TMPO: variants seen among roughly 807,000 people sequenced by gnomAD.
The protein encoded by TMPO is thymopoietin, also known as LEM domain containing 4.
A neutral mutation model predicts 45.4 loss-of-function variants in TMPO; 22 were observed. The ratio of observed to expected loss-of-function variants is 0.48; its 90% CI spans 0.35 to 0.69. The LOEUF (loss-of-function observed/expected upper bound fraction) is 0.69, where lower values mean the gene tolerates loss of function less well. TMPO is among the 30% of genes least tolerant of loss of function. TMPO has a pLI of 0.01. For synonymous variants in TMPO, 241 were observed against 204.1 expected, an observed-to-expected ratio of 1.18 and a Z score of -1.54; for missense variants, 512 against 548.8, an observed-to-expected ratio of 0.93 and a Z score of 0.67.
intron 1 of TMPO, among the ~76,000 whole-genome samples, chr12:98,526,962 AAAAAAG>A (rs1297582132): frequency 2.0e-5 from 3 of 152,014 alleles, no homozygotes; most frequent in Admixed American, 6.6e-5. Flanking sequence ...ACCTCCAAAA[AAAAAAG>A]AAAAAGAAAA....
intron 1 of TMPO, among the ~76,000 whole-genome samples, chr12:98,521,709 C>T (rs1876379919): frequency 6.6e-6 from 1 of 152,050 alleles, no homozygotes; most frequent in Non-Finnish European, 1.5e-5. Context: ...GCATAATATT[C>T]TTGAATGATC....
rs775226086 is a variant in TMPO at position 98,537,461 on chromosome 12, A to T, written c.566-14A>T. On this transcript the variant is annotated splice_polypyrimidine_tract_variant and intron_variant, in intron 3 of 8. Transcript: ENST00000556029. ...TGTTTCAGAGAGTAATGGTTTCTCCAATGTTATTTCCAGACTCTAAAATAG... is the reference window on the plus strand; with the variant it reads ...TGTTTCAGAGAGTAATGGTTTCTCCTATGTTATTTCCAGACTCTAAAATAG... 4 of 1,594,340 alleles carry T rather than the reference A, an allele frequency of 2.5e-6. No homozygotes were observed. Among genetic ancestry groups the T allele is most frequent in the Non-Finnish European group, 2.6e-6 (3 of 1,163,074 alleles).
At chr12:98,525,551 G>A (rs573418177) in intron 1 of TMPO, among the ~76,000 whole-genome samples, 17 of 152,052 alleles carry the variant, frequency 1.1e-4, no homozygotes, top group Non-Finnish European at 2.4e-4. Flanking sequence ...GACCAGCCTG[G>A]CCAACATGCT....
At chr12:98,526,658 G>A (rs1354755951) in intron 1 of TMPO, among the ~76,000 whole-genome samples, 1 of 152,114 alleles carries the variant, frequency 6.6e-6, no homozygotes, top group Non-Finnish European at 1.5e-5. Flanking sequence ...CTCATATGCT[G>A]TTTAAAGAAA....
chr12:98,537,661 C>T, intron 4 of TMPO, 89 bp downstream of exon 4: 1 of 939,284 alleles, frequency 1.1e-6, no homozygotes, highest in Non-Finnish European at 1.7e-6. Flanking sequence ...GGTTGACACC[C>T]AGATTCCAGC....
intron 3 of TMPO, chr12:98,534,622 A>G (rs1877459184): frequency 8.3e-7 from 1 of 1,209,554 alleles, no homozygotes; most frequent in African/African-American, 1.6e-5. Context: ...TTATGTTTTT[A>G]CAATTCTCCA....
At chr12:98,540,121 G>A (rs1429470547) in intron 4 of TMPO, among the ~76,000 whole-genome samples, 1 of 152,142 alleles carries the variant, frequency 6.6e-6, no homozygotes, top group Non-Finnish European at 1.5e-5. Flanking sequence ...CATTTATTTG[G>A]TGAAGAAACC....
chr12:98,533,453 C>G (rs781585188), intron 3 of TMPO: 21 of 1,614,154 alleles, frequency 1.3e-5, no homozygotes, highest in East Asian at 2.2e-5. Context: ...ACTTCTAACT[C>G]TATGCCCCCA....
chr12:98,525,147 T>C (rs1290592750), intron 1 of TMPO, among the ~76,000 whole-genome samples: 3 of 152,240 alleles, frequency 2.0e-5, no homozygotes, highest in African/African-American at 7.2e-5. Context: ...TTAAATCTTT[T>C]CTTGAAAGAA....
intron 1 of TMPO, among the ~76,000 whole-genome samples, chr12:98,518,287 A>G (rs1374390879): frequency 6.6e-6 from 1 of 152,002 alleles, no homozygotes; most frequent in Non-Finnish European, 1.5e-5. Flanking sequence ...TATGTTTATA[A>G]TAGAATTACT....
chr12:98,523,082 T>A (rs1007949995), intron 1 of TMPO, among the ~76,000 whole-genome samples: 3 of 152,186 alleles, frequency 2.0e-5, no homozygotes, highest in African/African-American at 7.2e-5. Flanking sequence ...TCTTAAGTGA[T>A]CTACTTAAAG....
At chr12:98,545,129 G>GTTTTTTTTT (rs79128220) in intron 7 of TMPO, 68 bp downstream of exon 7, 103 of 650,750 alleles carry the variant, frequency 1.6e-4, no homozygotes, top group Middle Eastern at 4.2e-4. Flanking sequence ...ATATTTGTTT[G>GTTTTTTTTT]TTTTTTTTTT....
chr12:98,516,803 T>G (rs1282926071), intron 1 of TMPO, among the ~76,000 whole-genome samples: 4 of 152,200 alleles, frequency 2.6e-5, no homozygotes, highest in African/African-American at 9.6e-5. Context: ...TTATAATTTT[T>G]TAGTTTTTAT....
chr12:98,544,508 A>G lies in TMPO; in HGVS notation c.850A>G (p.Thr284Ala). The stretch of plus-strand genomic sequence containing the variant: ...TTCAGAGAGTACTCCCATAGCTGAA[A>G]CTATAATGGCTTCAAGCAACGAATC... ...VISESTPIAE[T>A]IMASSNESLV... The change falls in exon 6 of 9, where the codon ACT becomes GCT. Residue 284 changes from threonine to alanine, a missense_variant. Physicochemically the swap from Thr to Ala is moderately conservative, Grantham distance 58. Around this residue, in one of 3 missense-constraint regions of TMPO, gnomAD observed 209 missense variants for 235.1 expected, o/e 0.89. Transcript: ENST00000556029. 6.2e-7 allele frequency: 1 copy of G among 1,613,798 alleles called. No individual in the cohort carries two copies. The highest frequency in any genetic ancestry group is 8.5e-7 in the Non-Finnish European group (1 of 1,179,758).
chr12:98,524,791 A>C lies in TMPO; in HGVS notation c.280-3095A>C, dbSNP rs749462713. 4.6e-5 allele frequency among the ~76,000 whole-genome samples: 7 copies of C among 151,970 alleles called. No individual in the cohort carries two copies. The South Asian group carries it at 1.5e-3, about 32-fold the overall frequency. On this transcript the variant is annotated intron_variant, in intron 1 of 8. Coordinates refer to ENST00000556029, the MANE Select transcript of TMPO (RefSeq NM_001032283.3). ...GCATTTTTAAAAGAGACGGGGTTTC[A>C]CCGTGTTGGCCATGCTGGTCTCGAA...
At chr12:98,516,669 G>A (rs2121100869) in intron 1 of TMPO, among the ~76,000 whole-genome samples, 1 of 152,230 alleles carries the variant, frequency 6.6e-6, no homozygotes, top group Non-Finnish European at 1.5e-5. Flanking sequence ...GCGTGTGGAG[G>A]GCTTTTTGAA....
Position 98,515,893 on chromosome 12 carries a change from C to T in TMPO, c.26C>T (p.Ser9Leu), listed in dbSNP as rs1285853015. ...ATGCCGGAGTTCCTGGAAGACCCCT[C>T]GGTCCTGACAAAAGACAAGTTGAAG... MPEFLEDP[S>L]VLTKDKLKSE... The change falls in exon 1 of 9, where the codon TCG becomes TTG. Residue 9 changes from serine (S) to leucine (L), a missense_variant. Physicochemically the swap from Ser to Leu is moderately radical, Grantham distance 145. Transcript: ENST00000556029. 5.6e-6 allele frequency: 9 copies of T among 1,613,612 alleles called. No homozygotes were observed. Among genetic ancestry groups the T allele is most frequent in the African/African-American group, 1.3e-5 (1 of 74,928 alleles).
At position 98,534,010 on chromosome 12, in the gene TMPO, C is replaced by CA. The variant is rs750864467; in HGVS notation, c.565+2173dup. 1.4e-5 allele frequency: 23 copies of CA among 1,607,620 alleles called. No individual in the cohort carries two copies. Among genetic ancestry groups the CA allele is most frequent in the Non-Finnish European group, 2.6e-6 (3 of 1,175,340 alleles). On this transcript the variant is annotated intron_variant, in intron 3 of 8. Transcript: ENST00000556029. ...AGCATCAGCATTGCAGATTGCAACT[C>CA]ACACTGCCTTTGTAGCTAAGGCTAT...
At chr12:98,545,426 A>C (rs1218230609) in intron 7 of TMPO, among the ~76,000 whole-genome samples, 2 of 152,168 alleles carry the variant, frequency 1.3e-5, no homozygotes, top group Non-Finnish European at 2.9e-5. Context: ...GGGTCAAATA[A>C]GAGACTTTAA....
Sources: gnomAD v4.1 joint callset for allele counts (sites outside exome capture counted in the v4.1 genomes callset) on GRCh38, gnomAD v4.1.1 for gene constraint, gnomAD v4.1.1 regional missense constraint, MANE v1.5 for transcripts, NCBI Gene and HGNC (gene_info 2026-07-23, HGNC 2026-07-21) for gene names.